The following CSTF3 variants were observed in gnomAD, a reference collection of about 807,000 sequenced individuals.
The protein encoded by CSTF3 is CF-1 77 kDa subunit.
In CSTF3, 29 loss-of-function variants were observed where a neutral mutation model predicts 105.8. The observed-to-expected ratio is 0.27, with a 90% CI of 0.20 to 0.37. CSTF3 has a LOEUF of 0.37. Among genes scored for constraint, CSTF3 ranks in the 10% least tolerant of loss-of-function variants. The probability of loss-of-function intolerance (pLI) is 1.00; values close to 1 mark genes in which losing one functional copy is unlikely to be tolerated. For missense variants in CSTF3, 357 were observed against 879.3 expected (o/e 0.41, Z 7.51); for synonymous variants, 252 against 281.9 (o/e 0.89, Z 1.06).
chr11:33,117,722 T>C lies in CSTF3; in HGVS notation c.226-9304A>G, dbSNP rs148786564. ...TACACAGAAAATTTGAGAACCTATATTACCAAAAGGTAGAATGATTAAACT... is the reference window on the plus strand; with the variant it reads ...TACACAGAAAATTTGAGAACCTATACTACCAAAAGGTAGAATGATTAAACT... On this transcript the variant is annotated intron_variant, in intron 3 of 20. Coordinates refer to ENST00000323959, the MANE Select transcript of CSTF3 (RefSeq NM_001326.3). Among the ~76,000 whole-genome samples the C allele has an allele frequency of 9.2e-3, 1,394 of 151,986 alleles. 27 individuals carry two copies. The highest frequency in any genetic ancestry group is 0.032 in the African/African-American group (1,319 of 41,518).
intron 8 of CSTF3, 124 bp downstream of exon 8, chr11:33,105,443 C>T: frequency 2.2e-6 from 2 of 924,258 alleles, no homozygotes. Flanking sequence ...CATTATAGTG[C>T]TTTCATTACA....
chr11:33,095,919 C>T (rs1855218729), intron 15 of CSTF3, among the ~76,000 whole-genome samples: 1 of 152,042 alleles, frequency 6.6e-6, no homozygotes, highest in Middle Eastern at 3.2e-3. Context: ...TTTTACTTTA[C>T]TATTTGGGCA....
intron 3 of CSTF3, among the ~76,000 whole-genome samples, chr11:33,135,211 C>T (rs1281912849): frequency 1.3e-5 from 2 of 152,080 alleles, no homozygotes; most frequent in African/African-American, 2.4e-5. Flanking sequence ...GTTAAAACAG[C>T]GTAACCCTAA....
rs149486074 is a variant in CSTF3, at chr11:33,097,098, C to G, written c.1129-120G>C. On this transcript the variant is annotated intron_variant, in intron 13 of 20. Coordinates refer to ENST00000323959, the MANE Select transcript of CSTF3 (RefSeq NM_001326.3). ...AATTTAGATAATATTCTATTTAAAT[C>G]CACAAACTAATTTTTTTCTGGTATT... 165 of 709,522 alleles carry G rather than the reference C, an allele frequency of 2.3e-4. 1 individual carries two copies. The East Asian group carries it at 4.8e-3, about 21-fold the overall frequency. 44.0% of individuals were successfully genotyped at this position (709,522 alleles called of 1,614,324 possible). A position where few individuals can be genotyped will look rare whatever the true frequency, so the allele number is the denominator to read the frequency against.
intron 1 of CSTF3, among the ~76,000 whole-genome samples, chr11:33,157,853 T>C (rs1395779325): frequency 3.9e-5 from 6 of 152,218 alleles, no homozygotes; most frequent in Admixed American, 3.9e-4. Flanking sequence ...CATGATTCAA[T>C]GGTTTTAATT....
intron 5 of CSTF3, among the ~76,000 whole-genome samples, 196 bp downstream of exon 5, chr11:33,107,707 C>T (rs1855340822): frequency 6.6e-6 from 1 of 152,202 alleles, no homozygotes. Flanking sequence ...TTGGGCGATT[C>T]AATTCTCCAG....
intron 20 of CSTF3, 44 bp downstream of exon 20, chr11:33,085,666 GACA>G (rs1322096288): frequency 1.7e-5 from 26 of 1,491,112 alleles, no homozygotes; most frequent in Non-Finnish European, 2.1e-5. Flanking sequence ...CTGCCTATGA[GACA>G]ACAACGTGGA....
chr11:33,152,733 G>A lies in CSTF3; in HGVS notation c.27+8566C>T, dbSNP rs1182029278. Among the ~76,000 whole-genome samples the A allele has an allele frequency of 2.6e-5, 4 of 152,246 alleles. No individual in the cohort carries two copies. In the East Asian group the frequency reaches 7.7e-4, roughly 29 times the overall value. On this transcript the variant is annotated intron_variant, in intron 1 of 20. Transcript: ENST00000323959. ...CTCAGCACTTTGGGAGGCCGAGGTGGGCGGATCACAAGGTCAGGAGTTCGA... is the reference window on the plus strand; with the variant it reads ...CTCAGCACTTTGGGAGGCCGAGGTGAGCGGATCACAAGGTCAGGAGTTCGA...
rs757223900 is a variant in CSTF3 at position 33,103,189 on chromosome 11, A to G, written c.586-5T>C. 7.3e-7 allele frequency: 1 copy of G among 1,378,516 alleles called. No homozygotes were observed. The highest frequency in any genetic ancestry group is 1.0e-6 in the Non-Finnish European group (1 of 1,000,290). The allele number at this position is 1,378,516 out of a possible 1,614,324, so 85.4% of individuals were successfully genotyped here. Reference sequence around the variant, plus strand: ...AGCTAAATGAATATTGATACCCTAGAAAAAAACAAAAATATTTTAAAATTA... The same window carrying G: ...AGCTAAATGAATATTGATACCCTAGGAAAAAACAAAAATATTTTAAAATTA... On this transcript the variant is annotated splice_region_variant and splice_polypyrimidine_tract_variant and intron_variant, in intron 8 of 20. Transcript: ENST00000323959.
Position 33,161,413 on chromosome 11 carries a change from A to G in CSTF3, c.-88T>C. The G allele has an allele frequency of 4.1e-6, 6 of 1,445,862 alleles. No homozygotes were observed. The highest frequency in any genetic ancestry group is 5.8e-6 in the Non-Finnish European group (6 of 1,040,058). The allele number at this position is 1,445,862 out of a possible 1,614,324, so 89.6% of individuals were successfully genotyped here. A position where few individuals can be genotyped will look rare whatever the true frequency, so the allele number is the denominator to read the frequency against. On this transcript the variant is annotated 5_prime_UTR_variant, in exon 1 of 21. Transcript: ENST00000323959. Reference sequence around the variant, plus strand: ...ACTAAAAACCACCCCCAAATCAGTAAAGTTACCCCCTGCCCAGCTGAGCCA... The same window carrying G: ...ACTAAAAACCACCCCCAAATCAGTAGAGTTACCCCCTGCCCAGCTGAGCCA...
In CSTF3 at chr11:33,096,308, T is replaced by C. The variant is rs1467799122; in HGVS notation, c.1373A>G (p.Asn458Ser). The change falls in exon 15 of 21, where the codon AAT (asparagine) becomes AGT (serine). Residue 458 changes from asparagine to serine, a missense_variant and splice_region_variant. By Grantham distance (46) the Asn-to-Ser change is conservative. Transcript: ENST00000323959. The stretch of plus-strand genomic sequence containing the variant: ...TATAGATTCTAGAATCAACCTACCA[T>C]TGAGGTGAGAAAGATAGTCAATATA... Reference protein sequence around the residue: ...LAYIDYLSHLNEDNNTRVLFE... With the variant: ...LAYIDYLSHLSEDNNTRVLFE... 7.1e-6 allele frequency: 11 copies of C among 1,538,508 alleles called. No individual in the cohort carries two copies. Among genetic ancestry groups the C allele is most frequent in the Middle Eastern group, 1.7e-4 (1 of 5,868 alleles).
chr11:33,141,559 C>T, intron 3 of CSTF3, 108 bp downstream of exon 3: 2 of 1,420,414 alleles, frequency 1.4e-6, no homozygotes, highest in Non-Finnish European at 9.2e-7. Context: ...AAAGGTAAGA[C>T]ACATTTAAAT....
At chr11:33,140,760 A>G (rs1855702141) in intron 3 of CSTF3, among the ~76,000 whole-genome samples, 1 of 152,086 alleles carries the variant, frequency 6.6e-6, no homozygotes, top group East Asian at 1.9e-4. Context: ...ATATCACAAA[A>G]TTAATATTAA....
intron 17 of CSTF3, 38 bp from the exon 18 acceptor site, chr11:33,087,179 A>C: frequency 6.2e-7 from 1 of 1,603,710 alleles, no homozygotes; most frequent in Non-Finnish European, 8.5e-7. Flanking sequence ...AACCTGAAAA[A>C]GGGACTACTA....
chr11:33,090,283 A>G (rs1258635324), intron 17 of CSTF3, among the ~76,000 whole-genome samples: 1 of 152,200 alleles, frequency 6.6e-6, no homozygotes, highest in Non-Finnish European at 1.5e-5. Flanking sequence ...GATATAAGAT[A>G]TAAGGCACTG....
At chr11:33,150,758 A>C (rs1262790760) in intron 1 of CSTF3, among the ~76,000 whole-genome samples, 2 of 151,608 alleles carry the variant, frequency 1.3e-5, no homozygotes, top group Non-Finnish European at 2.9e-5. Flanking sequence ...TGGGAGGATG[A>C]GGTGGGAGGA....
Position 33,161,291 on chromosome 11 carries a change from TTCC to T in CSTF3, c.27+5_27+7del. 1 of 1,613,344 alleles carries T rather than the reference TTCC, an allele frequency of 6.2e-7. No individual in the cohort carries two copies. The highest frequency in any genetic ancestry group is 8.5e-7 in the Non-Finnish European group (1 of 1,179,988). On this transcript the variant is annotated splice_donor_5th_base_variant and intron_variant, in intron 1 of 20. Coordinates refer to ENST00000323959, the MANE Select transcript of CSTF3 (RefSeq NM_001326.3). ...TCGCCACGAGGCCCCACCACTCTCCTTCCTCACCTGCTCCGTGGCTCCGTCTCC... is the reference window on the plus strand; with the variant it reads ...TCGCCACGAGGCCCCACCACTCTCCTTCACCTGCTCCGTGGCTCCGTCTCC...
At position 33,099,716 on chromosome 11, in the gene CSTF3, A is replaced by T. The variant is rs922382468; in HGVS notation, c.828T>A (p.Val276=). 1 of 1,562,030 alleles carries T rather than the reference A, an allele frequency of 6.4e-7. No homozygotes were observed. Among genetic ancestry groups the T allele is most frequent in the Non-Finnish European group, 8.7e-7 (1 of 1,150,506 alleles). ...TEDQTLITKR[V]MFAYEQCLLV... is the part of the protein sequence containing the mutation. ...GCAGGCACTGTTCATAAGCAAACAT[A>T]ACTAAGGGAAGAAATTAACAAACAA... Residue 276 remains valine, a splice_region_variant and synonymous_variant, in exon 11 of 21, where the codon GTT becomes GTA. Transcript: ENST00000323959. The surrounding 1 kb of genome is among the most constrained non-coding windows in gnomAD (Gnocchi z 4.1).
chr11:33,129,298 G>C (rs1855574788), intron 3 of CSTF3, among the ~76,000 whole-genome samples: 1 of 151,968 alleles, frequency 6.6e-6, no homozygotes, highest in Non-Finnish European at 1.5e-5. Flanking sequence ...CACCAGGTTG[G>C]GCAGGCTGGT....
Sources: allele counts gnomAD v4.1 joint callset (sites outside exome capture counted in the v4.1 genomes callset), GRCh38; gene constraint gnomAD v4.1.1; non-coding constraint Gnocchi (gnomAD v3.1); transcripts MANE v1.5; gene names NCBI Gene and HGNC (gene_info 2026-07-23, HGNC 2026-07-21).